The following TAFA4 variants were observed in gnomAD, a reference collection of about 807,000 sequenced individuals.
TAFA4 encodes the protein TAFA chemokine like family member 4, also known as chemokine-like protein TAFA-4.
A neutral mutation model predicts 21.1 loss-of-function variants in TAFA4; 20 were observed. The ratio of observed to expected loss-of-function variants is 0.95; its 90% CI spans 0.67 to 1.38. TAFA4 has a LOEUF of 1.38. Ranked by LOEUF, TAFA4 falls within the 40% of genes most tolerant of loss-of-function variation. The pLI is 0.00. For missense variants in TAFA4, 211 were observed against 180.9 expected, an observed-to-expected ratio of 1.17 and a Z score of -0.95; for synonymous variants, 71 against 67.4, an observed-to-expected ratio of 1.05 and a Z score of -0.26.
chr3:68,820,406 C>T (rs986397523), intron 3 of TAFA4, among the ~76,000 whole-genome samples: 2 of 152,046 alleles, frequency 1.3e-5, no homozygotes, highest in African/African-American at 2.4e-5. Flanking sequence ...AGGCTGGGCA[C>T]GGTAGCTGAC....
chr3:68,751,826 A>G (rs1389502064), intron 4 of TAFA4, among the ~76,000 whole-genome samples: 5 of 152,186 alleles, frequency 3.3e-5, no homozygotes, highest in African/African-American at 1.2e-4. Context: ...TAGATGGTAT[A>G]TTTACTATGT....
At chr3:68,836,114 G>T (rs1158487183) in intron 3 of TAFA4, among the ~76,000 whole-genome samples, 2 of 152,314 alleles carry the variant, frequency 1.3e-5, no homozygotes, top group Middle Eastern at 3.4e-3. Flanking sequence ...GAAAGAAGAA[G>T]GTATAATACC....
At chr3:68,875,928 A>AAAAAAAG (rs1553650294) in intron 3 of TAFA4, among the ~76,000 whole-genome samples, 1 of 151,844 alleles carries the variant, frequency 6.6e-6, no homozygotes, top group African/African-American at 2.4e-5. Context: ...AAAAAAAAAA[A>AAAAAAAG]AGAGAGAGAG....
In TAFA4 at chr3:68,880,712, T is replaced by C. The variant is rs201386197; in HGVS notation, c.130+18A>G. ...GTTTTATTATCTCAGCAGTGCATAA[T>C]GAGCTTAAAGGGCTTACCTGCATGT... On this transcript the variant is annotated intron_variant, in intron 3 of 5. Coordinates refer to ENST00000295569, the MANE Select transcript of TAFA4 (RefSeq NM_182522.5). 6.2e-7 allele frequency: 1 copy of C among 1,607,784 alleles called. No individual in the cohort carries two copies. Among genetic ancestry groups the C allele is most frequent in the Non-Finnish European group, 8.5e-7 (1 of 1,174,308 alleles).
intron 3 of TAFA4, among the ~76,000 whole-genome samples, chr3:68,824,358 C>T (rs906023786): frequency 6.6e-6 from 1 of 152,164 alleles, no homozygotes; most frequent in Non-Finnish European, 1.5e-5. Flanking sequence ...CTTCGCCTTT[C>T]CCAGCTTCTG....
intron 3 of TAFA4, among the ~76,000 whole-genome samples, chr3:68,774,068 G>A (rs1703006741): frequency 6.6e-6 from 1 of 152,126 alleles, no homozygotes; most frequent in Admixed American, 6.5e-5. Flanking sequence ...AGCTAGGCCT[G>A]GGGGTAGACA....
intron 4 of TAFA4, among the ~76,000 whole-genome samples, chr3:68,744,096 T>G (rs1342496420): frequency 6.6e-6 from 1 of 152,228 alleles, no homozygotes; most frequent in Non-Finnish European, 1.5e-5. Context: ...TACTTTGTCT[T>G]CAAAACTCTT....
At chr3:68,919,100 G>T (rs967658659) in intron 1 of TAFA4, among the ~76,000 whole-genome samples, 1 of 152,084 alleles carries the variant, frequency 6.6e-6, no homozygotes, top group Non-Finnish European at 1.5e-5. Flanking sequence ...CAACCAGTTA[G>T]GAAAAACAAT....
intron 3 of TAFA4, among the ~76,000 whole-genome samples, chr3:68,877,764 G>A (rs983514640): frequency 2.6e-5 from 4 of 152,152 alleles, no homozygotes; most frequent in Admixed American, 6.6e-5. Flanking sequence ...TGAAGGCTCT[G>A]ACCACATCTA....
intron 3 of TAFA4, among the ~76,000 whole-genome samples, chr3:68,766,885 C>G (rs1489995): frequency 0.69 from 104,302 of 151,852 alleles, 36,322 homozygotes; most frequent in East Asian, 0.98. Context: ...TGTGGAAAAA[C>G]AAATAAAACA....
At chr3:68,748,407 G>T (rs940867956) in intron 4 of TAFA4, among the ~76,000 whole-genome samples, 6 of 152,198 alleles carry the variant, frequency 3.9e-5, no homozygotes, top group African/African-American at 1.2e-4. Context: ...CTTGTCTGCA[G>T]TCCACACAGT....
intron 1 of TAFA4, among the ~76,000 whole-genome samples, chr3:68,892,360 G>A (rs1281982942): frequency 2.6e-5 from 4 of 152,032 alleles, no homozygotes; most frequent in African/African-American, 9.7e-5. Context: ...TTTATAAATG[G>A]CATTTTAATT....
At chr3:68,841,278 C>G (rs1017809900) in intron 3 of TAFA4, among the ~76,000 whole-genome samples, 3 of 72,826 alleles carry the variant, frequency 4.1e-5, no homozygotes, top group Admixed American at 1.2e-4. Context: ...AGCCGAGATC[C>G]CGCCACTGCA....
At chr3:68,748,743 CAA>C (rs780362480) in intron 4 of TAFA4, among the ~76,000 whole-genome samples, 14 of 60,020 alleles carry the variant, frequency 2.3e-4, no homozygotes, top group Admixed American at 5.7e-4. Context: ...GACTCCGTCT[CAA>C]AAAAAAAAAA....
At chr3:68,777,176 C>T (rs775861897) in intron 3 of TAFA4, among the ~76,000 whole-genome samples, 3 of 151,944 alleles carry the variant, frequency 2.0e-5, no homozygotes, top group Non-Finnish European at 4.4e-5. Context: ...CATACTATAA[C>T]TGTCTAAAGC....
At chr3:68,924,334 G>A (rs1307582766) in intron 1 of TAFA4, among the ~76,000 whole-genome samples, 1 of 152,192 alleles carries the variant, frequency 6.6e-6, no homozygotes, top group African/African-American at 2.4e-5. Flanking sequence ...CTACAACATG[G>A]ATGAACCTTG....
intron 1 of TAFA4, among the ~76,000 whole-genome samples, chr3:68,901,426 C>G (rs2089843135): frequency 6.6e-6 from 1 of 152,080 alleles, no homozygotes; most frequent in African/African-American, 2.4e-5. Flanking sequence ...CAGAAATTAC[C>G]TTCCCAAAGT....
intron 5 of TAFA4, among the ~76,000 whole-genome samples, chr3:68,736,241 C>T (rs1702238873): frequency 6.6e-6 from 1 of 151,384 alleles, no homozygotes; most frequent in African/African-American, 2.4e-5. Flanking sequence ...CCGAATGCAG[C>T]AAAACCCAGA....
chr3:68,892,990 G>C lies in TAFA4; in HGVS notation c.-122-7680C>G, dbSNP rs183981958. On this transcript the variant is annotated intron_variant, in intron 1 of 5. Coordinates refer to ENST00000295569, the MANE Select transcript of TAFA4 (RefSeq NM_182522.5). ...CTTGTTGTCCAAGTGAAATTGCCCAGGTCTGGGGCTGAACAAATGTTAACG... is the reference window on the plus strand; with the variant it reads ...CTTGTTGTCCAAGTGAAATTGCCCACGTCTGGGGCTGAACAAATGTTAACG... Among the ~76,000 whole-genome samples the C allele has an allele frequency of 5.9e-4, 90 of 152,334 alleles. 1 individual carries two copies. The highest frequency in any genetic ancestry group is 2.0e-3 in the African/African-American group (85 of 41,574).
Sources: gnomAD v4.1 joint callset for allele counts (sites outside exome capture counted in the v4.1 genomes callset) on GRCh38, gnomAD v4.1.1 for gene constraint, MANE v1.5 for transcripts, NCBI Gene and HGNC (gene_info 2026-07-23, HGNC 2026-07-21) for gene names.